Variants in SCAI observed in about 807,000 individuals in gnomAD.
The protein encoded by SCAI is suppressor of cancer cell invasion.
Under a neutral mutation model 92.2 loss-of-function variants are expected in SCAI, and 24 were observed. The observed-to-expected ratio is 0.26, with a 90% CI of 0.19 to 0.37. The LOEUF is 0.37. Ranked by LOEUF, SCAI falls within the 10% of genes least tolerant of loss-of-function variation. The pLI is 1.00. For synonymous variants in SCAI, 261 were observed against 258.6 expected, an observed-to-expected ratio of 1.01 and a Z score of -0.09; for missense variants, 450 against 736.2, an observed-to-expected ratio of 0.61 and a Z score of 4.50.
rs1365773187 is a variant in SCAI, at chr9:125,140,405, G to A, written c.98+2228C>T. Reference sequence around the variant, plus strand: ...TAGCCGGGCATGGTGGCAGGCGCCTGTAATCCCAGCTAATCGGGAGGCTGA... The same window carrying A: ...TAGCCGGGCATGGTGGCAGGCGCCTATAATCCCAGCTAATCGGGAGGCTGA... On this transcript the variant is annotated intron_variant, in intron 2 of 17. Transcript: ENST00000336505. Among the ~76,000 whole-genome samples the A allele has an allele frequency of 2.6e-5, 4 of 152,074 alleles. No individual in the cohort carries two copies. In the East Asian group the frequency reaches 7.7e-4, roughly 29 times the overall value.
intron 15 of SCAI, among the ~76,000 whole-genome samples, chr9:124,973,526 T>C (rs2131590783): frequency 6.6e-6 from 1 of 151,688 alleles, no homozygotes; most frequent in East Asian, 1.9e-4. Flanking sequence ...GGCAAAACCC[T>C]GTCTCTAGTG....
Position 125,049,601 on chromosome 9 carries a change from A to C in SCAI, c.230+6275T>G, listed in dbSNP as rs562552097. Among the ~76,000 whole-genome samples the C allele has an allele frequency of 2.6e-5, 4 of 152,332 alleles. No individual in the cohort carries two copies. The South Asian group carries it at 8.3e-4, about 32-fold the overall frequency. ...GTTTTCTTACACAGTGAGTGGAAAT[A>C]AGAGATAAACTATTATGCACATATT... On this transcript the variant is annotated intron_variant, in intron 3 of 17. Transcript: ENST00000336505.
intron 9 of SCAI, 62 bp downstream of exon 9, chr9:125,018,716 TTTATAAGAAAATAATTCTGTG>T: frequency 8.2e-7 from 1 of 1,218,018 alleles, no homozygotes; most frequent in Non-Finnish European, 1.2e-6. Flanking sequence ...TGTTAGGATA[TTTATAAGAAAATAATTCTGTG>T]ATCATCAATA....
intron 3 of SCAI, among the ~76,000 whole-genome samples, chr9:125,041,288 G>A (rs1316828107): frequency 6.6e-6 from 1 of 152,132 alleles, no homozygotes; most frequent in Non-Finnish European, 1.5e-5. Context: ...TCTCTAATGA[G>A]AGGTTACATC....
At chr9:125,126,392 G>GTGTGT (rs1564424362) in intron 2 of SCAI, among the ~76,000 whole-genome samples, 59 of 115,116 alleles carry the variant, frequency 5.1e-4, no homozygotes, top group East Asian at 2.5e-3. Flanking sequence ...GTGAGTTGGG[G>GTGTGT]GTGTGTGTGT....
At chr9:125,136,649 C>T (rs1222111448) in intron 2 of SCAI, among the ~76,000 whole-genome samples, 4 of 151,022 alleles carry the variant, frequency 2.6e-5, no homozygotes, top group East Asian at 3.9e-4. Context: ...TTAGTAGAGA[C>T]GGGGTTTCGC....
At chr9:125,090,348 G>A (rs1834406106) in intron 2 of SCAI, among the ~76,000 whole-genome samples, 2 of 151,366 alleles carry the variant, frequency 1.3e-5, no homozygotes, top group Admixed American at 1.3e-4. Flanking sequence ...ATGTGGAGGA[G>A]AGAGGAGGAG....
chr9:125,098,001 ATGTGTG>A (rs529831429), intron 2 of SCAI, among the ~76,000 whole-genome samples: 1 of 150,920 alleles, frequency 6.6e-6, no homozygotes, highest in South Asian at 2.1e-4. Flanking sequence ...GAATATATAT[ATGTGTG>A]TGTGTGTGTA....
At chr9:125,128,329 G>A (rs927905120) in intron 2 of SCAI, among the ~76,000 whole-genome samples, 6 of 151,448 alleles carry the variant, frequency 4.0e-5, no homozygotes, top group Non-Finnish European at 5.9e-5. Context: ...AAATGTATAC[G>A]GGTAATTTGG....
intron 3 of SCAI, among the ~76,000 whole-genome samples, chr9:125,054,273 C>A (rs1332770008): frequency 1.3e-5 from 2 of 152,166 alleles, no homozygotes; most frequent in African/African-American, 2.4e-5. Flanking sequence ...CTGCGCCTGG[C>A]CTCTTCTAAC....
chr9:124,974,310 T>C (rs1405975360), intron 15 of SCAI: 12 of 423,542 alleles, frequency 2.8e-5, no homozygotes, highest in Non-Finnish European at 5.6e-5. Context: ...TAGCTGGGTG[T>C]GGTAGTGTAT....
chr9:125,143,325 T>A, intron 1 of SCAI, 60 bp downstream of exon 1: 8 of 827,654 alleles, frequency 9.7e-6, no homozygotes, highest in Non-Finnish European at 9.0e-6. Flanking sequence ...CCGCTGCCCC[T>A]GGGCCCGCTC....
Position 125,143,373 on chromosome 9 carries a change from C to G in SCAI, c.53+12G>C. ...CCCATCCCCAACCCCGGCCTCCACC[C>G]AGCCCCCGCACCTGGGGGCCAGGCG... On this transcript the variant is annotated intron_variant, in intron 1 of 17. Transcript: ENST00000336505. 7.4e-7 allele frequency: 1 copy of G among 1,354,578 alleles called. No individual in the cohort carries two copies. The highest frequency in any genetic ancestry group is 9.5e-7 in the Non-Finnish European group (1 of 1,053,160). 83.9% of individuals were successfully genotyped at this position (1,354,578 alleles called of 1,614,324 possible). A position where few individuals can be genotyped will look rare whatever the true frequency, so the allele number is the denominator to read the frequency against.
rs71374207 is a variant in SCAI at position 124,944,466 on chromosome 9, A to ATTTT, written c.*8337_*8340dup. 2.3e-3 allele frequency: 192 copies of ATTTT among 84,722 alleles called. 4 individuals carry two copies. Among genetic ancestry groups the ATTTT allele is most frequent in the Middle Eastern group, 8.8e-3 (1 of 114 alleles). The allele number at this position is 84,722 out of a possible 1,614,324, so 5.2% of individuals were successfully genotyped here. A position where few individuals can be genotyped will look rare whatever the true frequency, so the allele number is the denominator to read the frequency against. On this transcript the variant is annotated 3_prime_UTR_variant, in exon 18 of 18. Coordinates refer to ENST00000336505, the MANE Select transcript of SCAI (RefSeq NM_001144877.3). Reference sequence around the variant, plus strand: ...AGGCGCACACCACCATGCCTGGCTAATTTTTTTTTTTTTTTTTTTTTTTTT... The same window carrying ATTTT: ...AGGCGCACACCACCATGCCTGGCTAATTTTTTTTTTTTTTTTTTTTTTTTTTTTT...
chr9:125,108,896 T>C (rs1834874271), intron 2 of SCAI, among the ~76,000 whole-genome samples: 1 of 152,184 alleles, frequency 6.6e-6, no homozygotes, highest in South Asian at 2.1e-4. Flanking sequence ...ATGATGACGA[T>C]GGCGGTTTTG....
chr9:125,031,494 C>G (rs1833073982), intron 3 of SCAI, among the ~76,000 whole-genome samples: 1 of 152,064 alleles, frequency 6.6e-6, no homozygotes, highest in Non-Finnish European at 1.5e-5. Context: ...CCTGATCCAC[C>G]TGCCTCAGCC....
chr9:125,136,933 G>C (rs143115131), intron 2 of SCAI, among the ~76,000 whole-genome samples: 1 of 151,014 alleles, frequency 6.6e-6, no homozygotes, highest in Non-Finnish European at 1.5e-5. Context: ...ACTAATTTTT[G>C]TATTTTTTAG....
intron 15 of SCAI, chr9:124,975,424 A>G: frequency 2.2e-6 from 1 of 452,884 alleles, no homozygotes; most frequent in Non-Finnish European, 4.4e-6. Context: ...AAACAGTGAC[A>G]AGTACTGCTA....
rs538474913 is a variant in SCAI at position 125,035,863 on chromosome 9, G to C, written c.231-6124C>G. Reference sequence around the variant, plus strand: ...ATTTGAGGCCAGGAGTTCGAGACCAGCATGGGCAACGAAGTGAGACCTTGT... The same window carrying C: ...ATTTGAGGCCAGGAGTTCGAGACCACCATGGGCAACGAAGTGAGACCTTGT... On this transcript the variant is annotated intron_variant, in intron 3 of 17. Transcript: ENST00000336505. Among the ~76,000 whole-genome samples the C allele has an allele frequency of 4.6e-5, 7 of 152,300 alleles. No individual in the cohort carries two copies. The South Asian group carries it at 1.5e-3, about 32-fold the overall frequency.
Sources: allele counts gnomAD v4.1 joint callset (sites outside exome capture counted in the v4.1 genomes callset), GRCh38; gene constraint gnomAD v4.1.1; transcripts MANE v1.5; gene names NCBI Gene and HGNC (gene_info 2026-07-23, HGNC 2026-07-21).